The following MACROD2 variants were observed in gnomAD, a reference collection of about 807,000 sequenced individuals.
MACROD2 encodes ADP-ribose glycohydrolase MACROD2.
A neutral mutation model predicts 70.4 loss-of-function variants in MACROD2; 36 were observed. That is an observed-to-expected ratio of 0.51 (90% CI 0.39 to 0.68). The LOEUF is 0.68. Ranked by LOEUF, MACROD2 falls within the 30% of genes least tolerant of loss-of-function variation. The probability of loss-of-function intolerance (pLI) is 0.00; values close to 1 mark genes in which losing one functional copy is unlikely to be tolerated. For missense variants in MACROD2, 496 were observed against 538.4 expected (o/e 0.92, Z 0.78); for synonymous variants, 172 against 178.8 (o/e 0.96, Z 0.30).
chr20:14,086,688 G>T (rs749594313), intron 3 of MACROD2, among the ~76,000 whole-genome samples: 8 of 152,208 alleles, frequency 5.3e-5, no homozygotes, highest in Non-Finnish European at 1.0e-4. Context: ...CTAAAGTTTG[G>T]TCAGGTCGTT....
chr20:14,864,042 A>G (rs763530976), intron 5 of MACROD2, among the ~76,000 whole-genome samples: 5 of 152,110 alleles, frequency 3.3e-5, no homozygotes, highest in South Asian at 4.1e-4. Flanking sequence ...TTTCCTGAGT[A>G]TAGATAATTT....
intron 8 of MACROD2, among the ~76,000 whole-genome samples, chr20:15,620,438 G>A (rs984931167): frequency 1.1e-4 from 16 of 152,146 alleles, no homozygotes; most frequent in African/African-American, 3.4e-4. Context: ...CATCTTGTTA[G>A]TTAACCTCTC....
At chr20:14,762,992 CAATGT>C (rs1391418936) in intron 5 of MACROD2, among the ~76,000 whole-genome samples, 2 of 151,642 alleles carry the variant, frequency 1.3e-5, no homozygotes, top group Non-Finnish European at 2.9e-5. Context: ...AAGCACAGAA[CAATGT>C]CAGAGTGCAG....
rs1601012494 is a variant in MACROD2, at chr20:15,862,789, A to C, written c.690A>C (p.Lys230Asn). 1 of 1,613,094 alleles carries C rather than the reference A, an allele frequency of 6.2e-7. No homozygotes were observed. The highest frequency in any genetic ancestry group is 8.5e-7 in the Non-Finnish European group (1 of 1,179,570). ...IFCVFLEVDFKIYKKKMNEFF... is the reference protein window; with the variant it reads ...IFCVFLEVDFNIYKKKMNEFF... The stretch of plus-strand genomic sequence containing the variant: ...GTGTCTTCTTAGAAGTTGACTTCAA[A>C]ATCTACAAAAAGAAAATGAATGAGT... Residue 230 changes from lysine (K) to asparagine (N), a missense_variant, in exon 9 of 18, where the codon AAA (lysine) becomes AAC (asparagine). Coordinates refer to ENST00000684519, the MANE Select transcript of MACROD2 (RefSeq NM_001351661.2).
At chr20:15,302,102 T>C (rs1326178476) in intron 6 of MACROD2, among the ~76,000 whole-genome samples, 1 of 152,130 alleles carries the variant, frequency 6.6e-6, no homozygotes, top group Non-Finnish European at 1.5e-5. Context: ...GCTCTTTGGC[T>C]CCCAGCATCT....
intron 5 of MACROD2, among the ~76,000 whole-genome samples, chr20:14,914,471 A>G (rs1447793528): frequency 2.6e-5 from 4 of 152,172 alleles, no homozygotes; most frequent in Non-Finnish European, 5.9e-5. Flanking sequence ...TTGGATCAAG[A>G]TCTATATGAG....
At chr20:14,140,124 C>A (rs972339530) in intron 3 of MACROD2, among the ~76,000 whole-genome samples, 10 of 151,996 alleles carry the variant, frequency 6.6e-5, no homozygotes. Context: ...AAGGAAGATG[C>A]CTGTAGTTGA....
intron 8 of MACROD2, among the ~76,000 whole-genome samples, chr20:15,760,212 C>T (rs1198284689): frequency 6.6e-6 from 1 of 152,190 alleles, no homozygotes; most frequent in Non-Finnish European, 1.5e-5. Flanking sequence ...GAAAATGACC[C>T]AGAGCTGCTC....
At chr20:15,687,860 C>T (rs975778120) in intron 8 of MACROD2, among the ~76,000 whole-genome samples, 1 of 152,136 alleles carries the variant, frequency 6.6e-6, no homozygotes, top group Non-Finnish European at 1.5e-5. Flanking sequence ...TTCAGCTTTC[C>T]TCTTTTTTTG....
intron 5 of MACROD2, among the ~76,000 whole-genome samples, chr20:14,784,646 C>T (rs2072342077): frequency 8.9e-6 from 1 of 112,396 alleles, no homozygotes; most frequent in Non-Finnish European, 1.7e-5. Flanking sequence ...CAAATTAGGT[C>T]AGAAAAGGAT....
chr20:14,970,711 T>C (rs1236925530), intron 5 of MACROD2, among the ~76,000 whole-genome samples: 1 of 152,146 alleles, frequency 6.6e-6, no homozygotes, highest in African/African-American at 2.4e-5. Context: ...AGTGCTATGG[T>C]ACAGTCATGG....
At chr20:15,480,360 A>G (rs1307949031) in intron 7 of MACROD2, among the ~76,000 whole-genome samples, 2 of 152,072 alleles carry the variant, frequency 1.3e-5, no homozygotes, top group Non-Finnish European at 2.9e-5. Flanking sequence ...ACTTTTAACC[A>G]ATTCTGGTTG....
At chr20:15,355,096 A>G (rs189326675) in intron 6 of MACROD2, among the ~76,000 whole-genome samples, 6 of 152,318 alleles carry the variant, frequency 3.9e-5, no homozygotes, top group African/African-American at 1.2e-4. Flanking sequence ...TCTAATGCCA[A>G]CTGGAGTACT....
At chr20:15,197,915 T>C (rs2145923439) in intron 5 of MACROD2, among the ~76,000 whole-genome samples, 1 of 151,006 alleles carries the variant, frequency 6.6e-6, no homozygotes, top group African/African-American at 2.4e-5. Flanking sequence ...CAGCCTGGTC[T>C]TGAACTCCTG....
At chr20:15,777,614 T>C (rs1234176657) in intron 8 of MACROD2, among the ~76,000 whole-genome samples, 11 of 117,100 alleles carry the variant, frequency 9.4e-5, no homozygotes, top group East Asian at 3.0e-4. Flanking sequence ...TCCCTCCCTC[T>C]CTCCCTCCCT....
At chr20:14,698,300 A>C (rs1333771145) in intron 5 of MACROD2, among the ~76,000 whole-genome samples, 2 of 152,188 alleles carry the variant, frequency 1.3e-5, no homozygotes, top group African/African-American at 4.8e-5. Flanking sequence ...TTCTAGGCTC[A>C]AACTCAGGCT....
chr20:15,975,964 A>C (rs529620604), intron 13 of MACROD2, among the ~76,000 whole-genome samples: 1 of 152,342 alleles, frequency 6.6e-6, no homozygotes, highest in Admixed American at 6.5e-5. Context: ...AATTTTTATA[A>C]AAGTACAGTT....
intron 3 of MACROD2, among the ~76,000 whole-genome samples, chr20:14,306,719 T>TA (rs2122504702): frequency 6.6e-6 from 1 of 152,116 alleles, no homozygotes; most frequent in African/African-American, 2.4e-5. Flanking sequence ...GCTAGGATCT[T>TA]AAAAATAGAG....
chr20:14,360,170 G>A (rs539394957), intron 3 of MACROD2, among the ~76,000 whole-genome samples: 12 of 152,064 alleles, frequency 7.9e-5, no homozygotes, highest in African/African-American at 1.4e-4. Flanking sequence ...TCAGTTAGGC[G>A]TGAGGAATAA....
Sources: allele counts gnomAD v4.1 joint callset (sites outside exome capture counted in the v4.1 genomes callset), GRCh38; gene constraint gnomAD v4.1.1; transcripts MANE v1.5; gene names NCBI Gene and HGNC (gene_info 2026-07-23, HGNC 2026-07-21).